FSTL5: variants seen among roughly 807,000 people sequenced by gnomAD.
FSTL5 encodes the protein follistatin like 5.
Under a neutral mutation model 89.1 loss-of-function variants are expected in FSTL5, and 62 were observed. That is an observed-to-expected ratio of 0.70 (90% CI 0.57 to 0.86). The LOEUF is 0.86. FSTL5 is among the 40% of genes least tolerant of loss of function. FSTL5 has a pLI of 0.00. For missense variants in FSTL5, 1,057 were observed against 1,001.6 expected (o/e 1.06, Z -0.75); for synonymous variants, 383 against 346.2 (o/e 1.11, Z -1.18).
chr4:161,817,072 T>C (rs1730346913), intron 4 of FSTL5, among the ~76,000 whole-genome samples: 1 of 152,178 alleles, frequency 6.6e-6, no homozygotes, highest in Admixed American at 6.6e-5. Context: ...CTAACAATGA[T>C]TAAGTTTAAA....
intron 3 of FSTL5, among the ~76,000 whole-genome samples, chr4:161,949,707 A>T (rs954101111): frequency 2.0e-5 from 3 of 151,086 alleles, no homozygotes; most frequent in African/African-American, 7.3e-5. Context: ...ATTTATCAGT[A>T]TTTAATTTCA....
At chr4:161,927,796 T>C in intron 3 of FSTL5, among the ~76,000 whole-genome samples, 1 of 151,790 alleles carries the variant, frequency 6.6e-6, no homozygotes, top group South Asian at 2.1e-4. Flanking sequence ...AGAAGAAATG[T>C]ATTTTTTCTT....
chr4:161,703,087 A>G (rs1251402411), intron 6 of FSTL5, among the ~76,000 whole-genome samples: 1 of 152,272 alleles, frequency 6.6e-6, no homozygotes, highest in East Asian at 1.9e-4. Flanking sequence ...GGACGCAGAG[A>G]GAGAGGGTCA....
chr4:161,535,485 G>T (rs143670508), intron 10 of FSTL5, among the ~76,000 whole-genome samples: 1 of 151,860 alleles, frequency 6.6e-6, no homozygotes, highest in South Asian at 2.1e-4. Context: ...AATGCTCCAC[G>T]TCATCACTCT....
chr4:161,669,722 A>C (rs930772966), intron 6 of FSTL5, among the ~76,000 whole-genome samples: 7 of 152,158 alleles, frequency 4.6e-5, no homozygotes, highest in Non-Finnish European at 7.4e-5. Flanking sequence ...AAATGACCTC[A>C]GGTTTGGTGA....
At chr4:161,842,545 C>T (rs1444984688) in intron 4 of FSTL5, among the ~76,000 whole-genome samples, 3 of 152,002 alleles carry the variant, frequency 2.0e-5, no homozygotes, top group Admixed American at 6.6e-5. Flanking sequence ...AAACTTGCCC[C>T]TAATTAATGT....
At chr4:161,775,467 A>T (rs1741375706) in intron 5 of FSTL5, among the ~76,000 whole-genome samples, 1 of 152,156 alleles carries the variant, frequency 6.6e-6, no homozygotes, top group African/African-American at 2.4e-5. Flanking sequence ...TCATTTATAT[A>T]CACTTTGTTA....
At chr4:161,524,554 C>A (rs1418360242) in intron 10 of FSTL5, among the ~76,000 whole-genome samples, 1 of 152,012 alleles carries the variant, frequency 6.6e-6, no homozygotes, top group Admixed American at 6.6e-5. Flanking sequence ...TTCATGCATA[C>A]ACTTCAATGT....
At chr4:161,843,301 A>G (rs547908193) in intron 4 of FSTL5, among the ~76,000 whole-genome samples, 28 of 152,308 alleles carry the variant, frequency 1.8e-4, no homozygotes, top group Middle Eastern at 3.4e-3. Flanking sequence ...TTATTTGAAG[A>G]AAGTCAATGG....
chr4:161,682,283 T>C (rs1737551561), intron 6 of FSTL5, among the ~76,000 whole-genome samples: 1 of 152,170 alleles, frequency 6.6e-6, no homozygotes, highest in South Asian at 2.1e-4. Flanking sequence ...ATAACCGCTG[T>C]ATACTTAGGT....
intron 7 of FSTL5, among the ~76,000 whole-genome samples, chr4:161,590,938 C>A (rs1733796079): frequency 6.6e-6 from 1 of 152,082 alleles, no homozygotes; most frequent in African/African-American, 2.4e-5. Flanking sequence ...TGCAAATGTG[C>A]ATAGCTGTAT....
At chr4:161,471,835 A>AT (rs1488625134) in intron 13 of FSTL5, among the ~76,000 whole-genome samples, 1 of 152,164 alleles carries the variant, frequency 6.6e-6, no homozygotes, top group Non-Finnish European at 1.5e-5. Flanking sequence ...ACAACATACA[A>AT]TTGTTCATGG....
At chr4:161,450,741 ATTTTTTTTTTT>A (rs70937651) in intron 15 of FSTL5, among the ~76,000 whole-genome samples, 2 of 131,576 alleles carry the variant, frequency 1.5e-5, no homozygotes, top group South Asian at 4.7e-4. Context: ...ATTCATCTTC[ATTTTTTTTTTT>A]TTTTTTTTGA....
At chr4:162,111,799 G>T (rs926133525) in intron 1 of FSTL5, among the ~76,000 whole-genome samples, 37 of 152,180 alleles carry the variant, frequency 2.4e-4, no homozygotes, top group Non-Finnish European at 5.4e-4. Context: ...GAGTATGTTT[G>T]ATGAACAAAT....
At chr4:161,998,094 GA>G (rs1438871767) in intron 3 of FSTL5, among the ~76,000 whole-genome samples, 2 of 152,126 alleles carry the variant, frequency 1.3e-5, no homozygotes, top group African/African-American at 4.8e-5. Flanking sequence ...CGGAGGAAAA[GA>G]TTCTGTCTAC....
chr4:161,437,565 C>CACAAAAAAAAA (rs1732607077), intron 15 of FSTL5, among the ~76,000 whole-genome samples: 1 of 68,542 alleles, frequency 1.5e-5, no homozygotes, highest in African/African-American at 8.3e-5. Context: ...GACTCCGTCT[C>CACAAAAAAAAA]AAAAAAAAAA....
chr4:162,145,068 A>ATTTT (rs1216650963), intron 1 of FSTL5, among the ~76,000 whole-genome samples: 4 of 133,966 alleles, frequency 3.0e-5, no homozygotes, highest in Admixed American at 7.3e-5. Flanking sequence ...TACAATATAC[A>ATTTT]ATGTATATTC....
At chr4:161,847,713 A>T (rs575049992) in intron 4 of FSTL5, among the ~76,000 whole-genome samples, 1 of 152,224 alleles carries the variant, frequency 6.6e-6, no homozygotes, top group South Asian at 2.1e-4. Context: ...TAATCTCAAC[A>T]TAATATTAAA....
chr4:161,520,427 A>G (rs1381635343), intron 10 of FSTL5, among the ~76,000 whole-genome samples: 1 of 151,908 alleles, frequency 6.6e-6, no homozygotes, highest in Non-Finnish European at 1.5e-5. Flanking sequence ...AATATTTATT[A>G]TCAGGATAAA....
Sources: gnomAD v4.1 joint callset for allele counts (sites outside exome capture counted in the v4.1 genomes callset) on GRCh38, gnomAD v4.1.1 for gene constraint, MANE v1.5 for transcripts, NCBI Gene and HGNC (gene_info 2026-07-23, HGNC 2026-07-21) for gene names.